Variants in CROCC2 observed in about 807,000 individuals in gnomAD.
CROCC2 encodes ciliary rootlet coiled-coil protein 2.
A neutral mutation model predicts 177.6 loss-of-function variants in CROCC2; 163 were observed. That is an observed-to-expected ratio of 0.92 (90% CI 0.81 to 1.05). CROCC2 has a LOEUF of 1.05. Ranked by LOEUF, CROCC2 falls within the 50% of genes least tolerant of loss-of-function variation. The pLI is 0.00. For synonymous variants in CROCC2, 904 were observed against 787.3 expected (o/e 1.15, Z -2.48); for missense variants, 1,929 against 1,797.8 (o/e 1.07, Z -1.32).
rs958972043 is a variant in CROCC2, at chr2:240,917,985, G to A, written c.79-741G>A. 6.6e-6 allele frequency among the ~76,000 whole-genome samples: 1 copy of A among 152,188 alleles called. No individual in the cohort carries two copies. The highest frequency in any genetic ancestry group is 2.1e-4 in the South Asian group (1 of 4,830). On this transcript the variant is annotated intron_variant, in intron 1 of 31. Coordinates refer to ENST00000690015, the MANE Select transcript of CROCC2 (RefSeq NM_001351305.2). The surrounding 1 kb of genome is among the most constrained non-coding windows in gnomAD (Gnocchi z 4.9). ...CCAAGACCCTCAAAACCAGGCTGGG[G>A]TACCCAGGACACCCAGGCACTCCTG...
intron 1 of CROCC2, among the ~76,000 whole-genome samples, chr2:240,914,076 G>A (rs1041174500): frequency 2.0e-5 from 3 of 152,246 alleles, no homozygotes; most frequent in African/African-American, 4.8e-5. Context: ...GCTGCCGCCC[G>A]GCCCGGAAGC....
intron 15 of CROCC2, among the ~76,000 whole-genome samples, chr2:240,947,448 G>C (rs564733060): frequency 5.3e-5 from 8 of 152,344 alleles, no homozygotes; most frequent in African/African-American, 1.9e-4. Flanking sequence ...GCACATGGCA[G>C]CCCTGCAGGC....
In CROCC2 at chr2:240,965,884, G is replaced by A. The variant is rs1258132448; in HGVS notation, c.3852G>A (p.Gln1284=). The A allele has an allele frequency of 2.8e-6, 4 of 1,436,106 alleles. No individual in the cohort carries two copies. The highest frequency in any genetic ancestry group is 3.7e-6 in the Non-Finnish European group (4 of 1,093,052). 89.0% of individuals were successfully genotyped at this position (1,436,106 alleles called of 1,614,324 possible). ...TGGCCCAGGCTGAGGGTGCAAGGCA[G>A]GATGCGGAGGCCCAGCTGGGCCGGC... ...QELAQAEGAR[Q]DAEAQLGRLC... is the part of the protein sequence containing the mutation. Residue 1284 remains glutamine, a synonymous_variant, in exon 24 of 32, where the codon CAG becomes CAA. Coordinates refer to ENST00000690015, the MANE Select transcript of CROCC2 (RefSeq NM_001351305.2).
At chr2:240,946,278 G>A (rs2059523935) in intron 15 of CROCC2, 25 bp downstream of exon 15, 8 of 1,507,746 alleles carry the variant, frequency 5.3e-6, no homozygotes, top group Non-Finnish European at 6.3e-6. Flanking sequence ...GCCAGTCAGG[G>A]CATGTCCCAC....
intron 22 of CROCC2, 41 bp from the exon 23 acceptor site, chr2:240,965,340 C>T (rs947784626): frequency 3.0e-5 from 46 of 1,545,588 alleles, no homozygotes; most frequent in Non-Finnish European, 3.8e-5. Flanking sequence ...GGTTCCAGCA[C>T]AGAGACCAGT....
At chr2:240,963,301 C>T (rs6733049) in intron 20 of CROCC2, 1 of 502,810 alleles carries the variant, frequency 2.0e-6, no homozygotes. Context: ...GAGGCCGCAG[C>T]GTGGGGCCGG....
chr2:240,933,401 A>G (rs1574759242), intron 10 of CROCC2, 59 bp downstream of exon 10: 1 of 1,415,760 alleles, frequency 7.1e-7, no homozygotes, highest in East Asian at 2.5e-5. Context: ...CTGAGGGCCC[A>G]GGGCTGCTGT....
At chr2:240,993,030 T>C (rs2059889832) in intron 31 of CROCC2, 36 bp from the exon 32 acceptor site, 1 of 715,828 alleles carries the variant, frequency 1.4e-6, no homozygotes, top group Non-Finnish European at 2.6e-6. Context: ...TCCCCGGGAA[T>C]GCGGTGTCCA....
intron 7 of CROCC2, among the ~76,000 whole-genome samples, 192 bp downstream of exon 7, chr2:240,931,320 G>A (rs1355457229): frequency 1.3e-5 from 2 of 152,208 alleles, no homozygotes; most frequent in Non-Finnish European, 2.9e-5. Flanking sequence ...CTAATGCCCA[G>A]GAGGCAGACA....
chr2:240,919,668 C>T (rs1399760783), intron 2 of CROCC2, among the ~76,000 whole-genome samples: 1 of 152,184 alleles, frequency 6.6e-6, no homozygotes, highest in African/African-American at 2.4e-5. Flanking sequence ...ATAGACAGCG[C>T]GAGTGCCCAG....
At chr2:240,911,253 A>G (rs1559586534) in intron 1 of CROCC2, among the ~76,000 whole-genome samples, 1 of 151,396 alleles carries the variant, frequency 6.6e-6, no homozygotes, top group Non-Finnish European at 1.5e-5. Flanking sequence ...CACTAAGCAC[A>G]TTCGTAGCGT....
chr2:240,945,450 C>T (rs6760411), intron 14 of CROCC2, among the ~76,000 whole-genome samples: 65,454 of 151,990 alleles, frequency 0.43, 14,719 homozygotes, highest in African/African-American at 0.52. Context: ...TGAACCCTAA[C>T]TTTTGTCCCC....
At chr2:240,966,456 G>A in intron 25 of CROCC2, 47 bp downstream of exon 25, 2 of 399,498 alleles carry the variant, frequency 5.0e-6, no homozygotes, top group East Asian at 3.6e-5. Flanking sequence ...CCCCCCGGGG[G>A]TCTCTGGGAA....
intron 2 of CROCC2, among the ~76,000 whole-genome samples, chr2:240,919,555 C>T (rs915968964): frequency 2.0e-5 from 3 of 152,068 alleles, no homozygotes; most frequent in African/African-American, 7.2e-5. Flanking sequence ...GTCTGTCCAG[C>T]CTCCTGCAGG....
intron 20 of CROCC2, chr2:240,959,803 G>C (rs2059619260): frequency 5.5e-6 from 1 of 182,276 alleles, no homozygotes. Flanking sequence ...TGAGTCAGGT[G>C]GACTTGGCTG....
chr2:240,967,656 C>T (rs1170644103), intron 26 of CROCC2, 191 bp downstream of exon 26: 24 of 877,520 alleles, frequency 2.7e-5, no homozygotes, highest in East Asian at 1.2e-4. Flanking sequence ...TTCTCAGCAG[C>T]GACTTCCCCA....
chr2:240,919,899 G>T, intron 2 of CROCC2, 84 bp from the exon 3 acceptor site: 1 of 534,294 alleles, frequency 1.9e-6, no homozygotes, highest in South Asian at 1.8e-5. Flanking sequence ...GGCCAGCCCA[G>T]GGTCCCACCG....
chr2:240,969,619 G>A (rs1037368311), intron 27 of CROCC2, among the ~76,000 whole-genome samples: 4 of 152,200 alleles, frequency 2.6e-5, no homozygotes, highest in African/African-American at 9.7e-5. Context: ...ACCTGGAGCG[G>A]GCTGAGTTGG....
At position 240,935,041 on chromosome 2, in the gene CROCC2, C is replaced by G; in HGVS notation, c.1917C>G (p.Ala639=). The G allele has an allele frequency of 5.8e-6, 8 of 1,382,868 alleles. No individual in the cohort carries two copies. Among genetic ancestry groups the G allele is most frequent in the Non-Finnish European group, 7.5e-6 (8 of 1,061,876 alleles). 85.7% of individuals were successfully genotyped at this position (1,382,868 alleles called of 1,614,324 possible). A position where few individuals can be genotyped will look rare whatever the true frequency, so the allele number is the denominator to read the frequency against. ...LMEGLAQDKS[A]LNHLALQLEQ... Reference sequence around the variant, plus strand: ...AGGGGTTGGCTCAGGACAAAAGTGCCCTGAACCACCTGGCTCTCCAGGTGA... The same window carrying G: ...AGGGGTTGGCTCAGGACAAAAGTGCGCTGAACCACCTGGCTCTCCAGGTGA... Residue 639 remains alanine (A), a synonymous_variant, in exon 13 of 32, where the codon GCC becomes GCG. Coordinates refer to ENST00000690015, the MANE Select transcript of CROCC2 (RefSeq NM_001351305.2).
Sources: allele counts gnomAD v4.1 joint callset (sites outside exome capture counted in the v4.1 genomes callset), GRCh38; gene constraint gnomAD v4.1.1; non-coding constraint Gnocchi (gnomAD v3.1); transcripts MANE v1.5; gene names NCBI Gene and HGNC (gene_info 2026-07-23, HGNC 2026-07-21).